Variants in NUP210 observed in about 807,000 individuals in gnomAD.
NUP210 encodes nuclear pore membrane glycoprotein 210.
In NUP210, 151 loss-of-function variants were observed where a neutral mutation model predicts 196.0. That is an observed-to-expected ratio of 0.77 (90% CI 0.67 to 0.88). The LOEUF (loss-of-function observed/expected upper bound fraction) is 0.88. Among genes scored for constraint, NUP210 ranks in the 40% least tolerant of loss-of-function variants. NUP210 has a pLI of 0.00. For synonymous variants in NUP210, 1,070 were observed against 1,052.7 expected (o/e 1.02, Z -0.32); for missense variants, 2,314 against 2,493.7 (o/e 0.93, Z 1.53).
chr3:13,374,673 GGATGCTGCCTCCCT>G, intron 11 of NUP210, among the ~76,000 whole-genome samples: 1 of 152,330 alleles, frequency 6.6e-6, no homozygotes, highest in Admixed American at 6.5e-5. Flanking sequence ...GCCAGTTGCA[GGATGCTGCCTCCCT>G]GACCAGACAC....
intron 1 of NUP210, among the ~76,000 whole-genome samples, chr3:13,414,436 C>A (rs1481753774): frequency 1.3e-5 from 2 of 152,214 alleles, no homozygotes; most frequent in African/African-American, 4.8e-5. Context: ...TCCAGCCCTG[C>A]AGGGGCCACA....
rs1485765492 is a variant in NUP210, at chr3:13,337,818, G to A, written c.3552+19C>T. The A allele has an allele frequency of 1.3e-6, 2 of 1,599,490 alleles. No individual in the cohort carries two copies. Among genetic ancestry groups the A allele is most frequent in the Non-Finnish European group, 1.7e-6 (2 of 1,173,930 alleles). ...GGCTCTTCGGGAACCAGGATTCAGA[G>A]CCCAGGAGGTCCCCTCACCTGGGTG... is the stretch of plus-strand genomic sequence containing the variant. On this transcript the variant is annotated intron_variant, in intron 26 of 39. Coordinates refer to ENST00000254508, the MANE Select transcript of NUP210 (RefSeq NM_024923.4).
Position 13,322,184 on chromosome 3 carries a change from C to T in NUP210, c.4915+9G>A, listed in dbSNP as rs755855407. Reference sequence around the variant, plus strand: ...CAAGTCCCTTTCACTTTCAAATCCTCGCAATTACCGAGAGCAGTGTCAAAC... The same window carrying T: ...CAAGTCCCTTTCACTTTCAAATCCTTGCAATTACCGAGAGCAGTGTCAAAC... On this transcript the variant is annotated intron_variant, in intron 35 of 39. Coordinates refer to ENST00000254508, the MANE Select transcript of NUP210 (RefSeq NM_024923.4). 3.0e-5 allele frequency: 49 copies of T among 1,613,910 alleles called. No homozygotes were observed. In the South Asian group the frequency reaches 4.2e-4, roughly 14 times the overall value.
chr3:13,359,608 G>A (rs1451933293), intron 15 of NUP210, among the ~76,000 whole-genome samples: 4 of 152,106 alleles, frequency 2.6e-5, no homozygotes, highest in Non-Finnish European at 4.4e-5. Flanking sequence ...GATTCCCGCC[G>A]AATACCCCTT....
chr3:13,348,032 C>T lies in NUP210; in HGVS notation c.2835+3847G>A, dbSNP rs1471788323. Among the ~76,000 whole-genome samples the T allele has an allele frequency of 1.3e-5, 2 of 152,230 alleles. No individual in the cohort carries two copies. Among genetic ancestry groups the T allele is most frequent in the African/African-American group, 2.4e-5 (1 of 41,466 alleles). On this transcript the variant is annotated intron_variant, in intron 20 of 39. Coordinates refer to ENST00000254508, the MANE Select transcript of NUP210 (RefSeq NM_024923.4). This position sits in a 1 kb window ranked among gnomAD's most constrained non-coding sequence, Gnocchi z 4.0. ...TGCTTGCCATAGGGGAGACTCGTCC[C>T]GGGTCCTGCCTGCAATGGGCACTCT... is the stretch of plus-strand genomic sequence containing the variant.
At chr3:13,393,076 A>G (rs1296841539) in intron 3 of NUP210, among the ~76,000 whole-genome samples, 1 of 152,224 alleles carries the variant, frequency 6.6e-6, no homozygotes, top group Non-Finnish European at 1.5e-5. Flanking sequence ...CAACACCACA[A>G]GAGTCCTGAA....
Position 13,339,936 on chromosome 3 carries a change from C to T in NUP210, c.3389G>A (p.Gly1130Asp). Residue 1130 changes from glycine (G) to aspartate (D), a missense_variant, in exon 25 of 40, where the codon GGC becomes GAC. Physicochemically the swap from Gly to Asp is moderately conservative, Grantham distance 94 (BLOSUM62 -1). Transcript: ENST00000254508. The part of the protein sequence containing the change: ...ALVSAAGLVQ[G>D]LAIGNGTVSG... ...CACAGTGCCGTTCCCGATGGCGAGG[C>T]CCTGTACCAGCCCAGCAGCGCTCAC... 6.2e-7 allele frequency: 1 copy of T among 1,614,054 alleles called. No individual in the cohort carries two copies.
chr3:13,324,309 C>T (rs1160466862), intron 33 of NUP210, among the ~76,000 whole-genome samples: 2 of 151,972 alleles, frequency 1.3e-5, no homozygotes, highest in African/African-American at 2.4e-5. Context: ...CTGGAGTGCC[C>T]GTGCACTCCC....
intron 15 of NUP210, among the ~76,000 whole-genome samples, chr3:13,358,785 C>T (rs1248029392): frequency 7.2e-5 from 11 of 152,162 alleles, no homozygotes; most frequent in Non-Finnish European, 1.0e-4. Flanking sequence ...GAGGAACAGA[C>T]GTGGGAAGTG....
In NUP210 at chr3:13,379,308, T is replaced by C. The variant is rs776107087; in HGVS notation, c.976+255A>G. Among the ~76,000 whole-genome samples, 4 of 152,132 alleles carry C rather than the reference T, an allele frequency of 2.6e-5. No individual in the cohort carries two copies. Among genetic ancestry groups the C allele is most frequent in the Non-Finnish European group, 4.4e-5 (3 of 68,020 alleles). On this transcript the variant is annotated intron_variant, in intron 7 of 39. Coordinates refer to ENST00000254508, the MANE Select transcript of NUP210 (RefSeq NM_024923.4). The surrounding 1 kb of genome is among the most constrained non-coding windows in gnomAD (Gnocchi z 4.2). ...CCCCCTCTGAGAAGGCTGCAGGTACTGGAGAAGTTTCTGGAGACGAGGAAC... is the reference window on the plus strand; with the variant it reads ...CCCCCTCTGAGAAGGCTGCAGGTACCGGAGAAGTTTCTGGAGACGAGGAAC...
In NUP210 at chr3:13,397,397, G is replaced by A. The variant is rs1445312470; in HGVS notation, c.396C>T (p.Asp132=). 2.5e-6 allele frequency: 4 copies of A among 1,611,972 alleles called. No individual in the cohort carries two copies. The African/African-American group carries it at 5.3e-5, about 22-fold the overall frequency. Residue 132 remains aspartate (D), a synonymous_variant, in exon 3 of 40, where the codon GAC becomes GAT. Coordinates refer to ENST00000254508, the MANE Select transcript of NUP210 (RefSeq NM_024923.4). ...CCTGGATCTTCAGCTCCAGGGGGGA[G>A]TCCTCCAGGTAGAGCTCGCGGGTGG... is the stretch of plus-strand genomic sequence containing the variant. ...VSTTRELYLE[D]SPLELKIQAL... is the part of the protein sequence containing the mutation.
intron 13 of NUP210, among the ~76,000 whole-genome samples, chr3:13,368,083 AT>A (rs11306861): frequency 0.58 from 87,931 of 150,798 alleles, 26,784 homozygotes; most frequent in African/African-American, 0.77. Context: ...TAAAATTTTT[AT>A]TTTTTTTTTG....
chr3:13,412,702 A>T (rs949859189), intron 1 of NUP210, among the ~76,000 whole-genome samples: 1 of 151,850 alleles, frequency 6.6e-6, no homozygotes, highest in Non-Finnish European at 1.5e-5. Context: ...CAATACAGCA[A>T]GACTCCATCT....
intron 1 of NUP210, among the ~76,000 whole-genome samples, chr3:13,413,513 G>A (rs184376466): frequency 6.6e-6 from 1 of 152,100 alleles, no homozygotes; most frequent in Admixed American, 6.5e-5. Context: ...TTACACACTA[G>A]TGTAAATAAG....
At chr3:13,342,778 G>T (rs1013657712) in intron 21 of NUP210, among the ~76,000 whole-genome samples, 5 of 152,182 alleles carry the variant, frequency 3.3e-5, no homozygotes, top group African/African-American at 1.2e-4. Context: ...CTTGGCATGG[G>T]TGAGTTGTAC....
intron 2 of NUP210, 52 bp from the exon 3 acceptor site, chr3:13,397,540 C>T: frequency 6.6e-7 from 1 of 1,508,636 alleles, no homozygotes; most frequent in Non-Finnish European, 8.9e-7. Flanking sequence ...CCGCCCCTGG[C>T]TCCACTTCCA....
chr3:13,393,962 A>G (rs1240142685), intron 3 of NUP210, among the ~76,000 whole-genome samples: 1 of 152,236 alleles, frequency 6.6e-6, no homozygotes, highest in Non-Finnish European at 1.5e-5. Context: ...CCCAAAGTCC[A>G]GTGTCAGGCA....
chr3:13,388,908 G>C (rs573418295), intron 4 of NUP210, among the ~76,000 whole-genome samples: 6 of 152,342 alleles, frequency 3.9e-5, no homozygotes, highest in South Asian at 2.1e-4. Flanking sequence ...CCAGCTCTGG[G>C]GAACGATTCT....
chr3:13,419,715 C>CCCGGGTCAGG (rs1445193169), intron 1 of NUP210, among the ~76,000 whole-genome samples: 1 of 152,168 alleles, frequency 6.6e-6, no homozygotes, highest in Non-Finnish European at 1.5e-5. Context: ...GGCGCCCCCT[C>CCCGGGTCAGG]CCGGGTCAGG....
Sources: allele counts gnomAD v4.1 joint callset (sites outside exome capture counted in the v4.1 genomes callset), GRCh38; gene constraint gnomAD v4.1.1; non-coding constraint Gnocchi (gnomAD v3.1); transcripts MANE v1.5; gene names NCBI Gene and HGNC (gene_info 2026-07-23, HGNC 2026-07-21).